The following GABRB3 variants were observed in gnomAD, a reference collection of about 807,000 sequenced individuals.
The protein encoded by GABRB3 is gamma-aminobutyric acid receptor subunit beta-3.
Under a neutral mutation model 52.1 loss-of-function variants are expected in GABRB3, and 14 were observed. The observed-to-expected ratio is 0.27, with a 90% CI of 0.18 to 0.42. The LOEUF is 0.42. GABRB3 is among the 10% of genes least tolerant of loss of function. The pLI, the probability that GABRB3 is intolerant of heterozygous loss-of-function variation, is 1.00. For synonymous variants in GABRB3, 260 were observed against 232.3 expected (o/e 1.12, Z -1.08); for missense variants, 307 against 609.1 (o/e 0.50, Z 5.22).
intron 3 of GABRB3, among the ~76,000 whole-genome samples, chr15:26,641,985 G>A (rs1199261693): frequency 1.3e-5 from 2 of 151,924 alleles, no homozygotes; most frequent in Non-Finnish European, 2.9e-5. Context: ...AAACTCCTGG[G>A]TTCAAGCAAT....
At chr15:26,613,384 C>T (rs1892144971) in intron 4 of GABRB3, 2 of 151,760 alleles carry the variant, frequency 1.3e-5, no homozygotes, top group African/African-American at 4.9e-5. Flanking sequence ...GTACTCCAGC[C>T]TGGGCAACAG....
intron 3 of GABRB3, among the ~76,000 whole-genome samples, chr15:26,626,041 A>C (rs777704417): frequency 6.6e-5 from 10 of 152,196 alleles, no homozygotes; most frequent in Non-Finnish European, 1.5e-4. Flanking sequence ...AAGTTGAACA[A>C]CACTGTTTTT....
At chr15:26,726,176 A>AT (rs1491089112) in intron 3 of GABRB3, among the ~76,000 whole-genome samples, 1 of 152,224 alleles carries the variant, frequency 6.6e-6, no homozygotes, top group Non-Finnish European at 1.5e-5. Flanking sequence ...AGCCCATCAC[A>AT]TGAGGTCAGA....
intron 3 of GABRB3, among the ~76,000 whole-genome samples, chr15:26,709,037 A>C (rs929477004): frequency 6.6e-6 from 1 of 152,254 alleles, no homozygotes; most frequent in African/African-American, 2.4e-5. Flanking sequence ...TCATATGGAT[A>C]TATTTTTTAC....
chr15:26,720,864 G>A (rs1009639953), intron 3 of GABRB3, among the ~76,000 whole-genome samples: 3 of 152,048 alleles, frequency 2.0e-5, no homozygotes, highest in Non-Finnish European at 2.9e-5. Context: ...TGCATTGTGC[G>A]GATATTCCCA....
intron 6 of GABRB3, among the ~76,000 whole-genome samples, chr15:26,575,100 G>C (rs529961640): frequency 6.6e-6 from 1 of 152,226 alleles, no homozygotes; most frequent in South Asian, 2.1e-4. Context: ...ATTGAGCACA[G>C]TTTTAAACTT....
intron 3 of GABRB3, among the ~76,000 whole-genome samples, chr15:26,769,570 C>T (rs1891089642): frequency 6.6e-6 from 1 of 152,172 alleles, no homozygotes; most frequent in Non-Finnish European, 1.5e-5. Flanking sequence ...TGGAATCTCC[C>T]CTTCTAAATC....
At chr15:26,648,290 A>G (rs914909622) in intron 3 of GABRB3, among the ~76,000 whole-genome samples, 3 of 152,220 alleles carry the variant, frequency 2.0e-5, no homozygotes, top group Non-Finnish European at 4.4e-5. Context: ...CTTAAGGTTC[A>G]TCCATGTGGA....
At chr15:26,579,032 G>A (rs1363336439) in intron 6 of GABRB3, among the ~76,000 whole-genome samples, 2 of 152,222 alleles carry the variant, frequency 1.3e-5, no homozygotes, top group Admixed American at 6.5e-5. Flanking sequence ...GATCTGATTG[G>A]TGTCTTAAAA....
intron 4 of GABRB3, among the ~76,000 whole-genome samples, chr15:26,605,317 T>A (rs944189231): frequency 6.6e-6 from 1 of 152,208 alleles, no homozygotes; most frequent in Non-Finnish European, 1.5e-5. Context: ...TTGGTGGGGA[T>A]GTATGTTAGT....
intron 3 of GABRB3, among the ~76,000 whole-genome samples, chr15:26,634,237 C>T (rs1372799512): frequency 2.0e-5 from 3 of 152,132 alleles, no homozygotes; most frequent in Non-Finnish European, 4.4e-5. Flanking sequence ...GATCCCACTG[C>T]CTTCTGAACC....
intron 3 of GABRB3, among the ~76,000 whole-genome samples, chr15:26,731,121 A>T (rs1274484880): frequency 6.6e-6 from 1 of 152,126 alleles, no homozygotes; most frequent in Admixed American, 6.5e-5. Context: ...GACTATTTTC[A>T]TACAAAGATT....
At chr15:26,635,376 A>G (rs550364326) in intron 3 of GABRB3, among the ~76,000 whole-genome samples, 2 of 152,038 alleles carry the variant, frequency 1.3e-5, no homozygotes, top group Non-Finnish European at 2.9e-5. Flanking sequence ...GCAGATGACC[A>G]TAAGGTTAAG....
At chr15:26,638,397 C>T (rs780189089) in intron 3 of GABRB3, among the ~76,000 whole-genome samples, 2 of 152,220 alleles carry the variant, frequency 1.3e-5, no homozygotes, top group Non-Finnish European at 2.9e-5. Flanking sequence ...CACCTCTGTT[C>T]TAGGTCTAAA....
At chr15:26,680,522 A>G (rs181515453) in intron 3 of GABRB3, among the ~76,000 whole-genome samples, 2 of 75,468 alleles carry the variant, frequency 2.7e-5, no homozygotes, top group East Asian at 4.1e-4. Context: ...ATTGTAGCCA[A>G]AAATGACACA....
chr15:26,772,665 C>A lies in GABRB3; in HGVS notation c.172+16G>T. ...TGGGTCGCGCTTCCCGCAACGGCCG[C>A]GCGCAGCCCACTTACCCCCGAAGTC... On this transcript the variant is annotated intron_variant, in intron 2 of 8. Transcript: ENST00000311550. 6.4e-7 allele frequency: 1 copy of A among 1,556,690 alleles called. No homozygotes were observed. The highest frequency in any genetic ancestry group is 8.7e-7 in the Non-Finnish European group (1 of 1,151,606).
chr15:26,685,489 C>T (rs975116722), intron 3 of GABRB3, among the ~76,000 whole-genome samples: 2 of 152,106 alleles, frequency 1.3e-5, no homozygotes, highest in Non-Finnish European at 2.9e-5. Context: ...TCTGAAAATA[C>T]TTCACCAAGC....
chr15:26,676,012 G>A (rs757872730), intron 3 of GABRB3, among the ~76,000 whole-genome samples: 2 of 152,164 alleles, frequency 1.3e-5, no homozygotes, highest in Non-Finnish European at 2.9e-5. Context: ...TTTGGTCAAG[G>A]AGAGACTCTT....
chr15:26,650,677 G>C (rs926447340), intron 3 of GABRB3, among the ~76,000 whole-genome samples: 17 of 151,918 alleles, frequency 1.1e-4, no homozygotes, highest in Admixed American at 6.6e-5. Flanking sequence ...TATTTTACAT[G>C]TGCCTACCCT....
Sources: gnomAD v4.1 joint callset for allele counts (sites outside exome capture counted in the v4.1 genomes callset) on GRCh38, gnomAD v4.1.1 for gene constraint, MANE v1.5 for transcripts, NCBI Gene and HGNC (gene_info 2026-07-23, HGNC 2026-07-21) for gene names.